TLE3: variants seen among roughly 807,000 people sequenced by gnomAD.
TLE3 encodes TLE family member 3, transcriptional corepressor.
In TLE3, 14 loss-of-function variants were observed where a neutral mutation model predicts 93.0. That is an observed-to-expected ratio of 0.15 (90% confidence interval 0.10 to 0.24). TLE3 has a LOEUF of 0.24. Ranked by LOEUF, TLE3 falls within the 10% of genes least tolerant of loss-of-function variation. The pLI, the probability that TLE3 is intolerant of heterozygous loss-of-function variation, is 1.00. For missense variants in TLE3, 693 were observed against 1,046.6 expected (o/e 0.66, Z 4.66); for synonymous variants, 451 against 425.0 (o/e 1.06, Z -0.75).
rs1238983862 is a variant in TLE3 at position 70,049,444 on chromosome 15, A to T, written c.*653T>A. The stretch of plus-strand genomic sequence containing the variant: ...CTGGTTGCCTTTTCCACACTCTAAG[A>T]CTTTTCTCCTCTTTCTTCAATTGGT... On this transcript the variant is annotated 3_prime_UTR_variant, in exon 20 of 20. Transcript: ENST00000451782. The T allele has an allele frequency of 6.7e-6, 1 of 148,448 alleles. No homozygotes were observed. The highest frequency in any genetic ancestry group is 2.5e-5 in the African/African-American group (1 of 39,716). 9.2% of individuals were successfully genotyped at this position (148,448 alleles called of 1,614,324 possible).
chr15:70,062,229 T>C (rs2056529507), intron 8 of TLE3, among the ~76,000 whole-genome samples: 1 of 152,208 alleles, frequency 6.6e-6, no homozygotes, highest in Admixed American at 6.5e-5. Context: ...GCGGTGGCGA[T>C]GCGCGCACAG....
At chr15:70,075,996 GAGGCTGGGGCTGGGGCTGGGGCTC>G (rs1403481876) in intron 5 of TLE3, 76 bp downstream of exon 5, 1 of 1,128,836 alleles carries the variant, frequency 8.9e-7, no homozygotes, top group Non-Finnish European at 1.3e-6. Flanking sequence ...GACAGGGGCT[GAGGCTGGGGCTGGGGCTGGGGCTC>G]AGGCTCCAGT....
chr15:70,094,683 C>T (rs2058465252), intron 3 of TLE3, 107 bp from the exon 4 acceptor site: 1 of 829,712 alleles, frequency 1.2e-6, no homozygotes, highest in Non-Finnish European at 1.9e-6. Context: ...TTTTACGATA[C>T]ATTTGCTAAA....
At chr15:70,072,736 G>A (rs895722457) in intron 6 of TLE3, among the ~76,000 whole-genome samples, 3 of 152,242 alleles carry the variant, frequency 2.0e-5, no homozygotes, top group Non-Finnish European at 4.4e-5. Flanking sequence ...ATGAATATCA[G>A]GGTGTCAGGG....
Position 70,059,406 on chromosome 15 carries a change from A to T in TLE3, c.765+4T>A. The T allele has an allele frequency of 1.2e-6, 2 of 1,609,840 alleles. No individual in the cohort carries two copies. Among genetic ancestry groups the T allele is most frequent in the Non-Finnish European group, 1.7e-6 (2 of 1,178,044 alleles). On this transcript the variant is annotated splice_donor_region_variant and intron_variant, in intron 10 of 19. Transcript: ENST00000451782. Reference sequence around the variant, plus strand: ...AGCCCCCTTGCGACCGGGCCTGCCCATACCTCATTGGAAACATCCACCACC... The same window carrying T: ...AGCCCCCTTGCGACCGGGCCTGCCCTTACCTCATTGGAAACATCCACCACC...
intron 1 of TLE3, 40 bp from the exon 2 acceptor site, chr15:70,096,301 C>T: frequency 6.5e-7 from 1 of 1,548,644 alleles, no homozygotes; most frequent in South Asian, 1.2e-5. Context: ...GGGGCGGGGG[C>T]ATGAGACCGC....
intron 18 of TLE3, 71 bp from the exon 19 acceptor site, chr15:70,051,538 A>G: frequency 7.3e-7 from 1 of 1,360,594 alleles, no homozygotes; most frequent in Non-Finnish European, 1.0e-6. Context: ...TGCCCTAGAC[A>G]TGGCCAGCTG....
chr15:70,070,767 G>T (rs922090151), intron 6 of TLE3, among the ~76,000 whole-genome samples: 1 of 152,128 alleles, frequency 6.6e-6, no homozygotes, highest in Non-Finnish European at 1.5e-5. Flanking sequence ...GCTGAAAGAC[G>T]GATCCTAAGG....
At position 70,049,514 on chromosome 15, in the gene TLE3, TAAAAAAAAA is replaced by T. The variant is rs11324999; in HGVS notation, c.*574_*582del. ...TCCCAGGTGAGAGCATCTGTTTATTTAAAAAAAAAAAAAAAAAAAAGCCACCACCACGAG... is the reference window on the plus strand; with the variant it reads ...TCCCAGGTGAGAGCATCTGTTTATTTAAAAAAAAAAAGCCACCACCACGAG... On this transcript the variant is annotated 3_prime_UTR_variant, in exon 20 of 20. Coordinates refer to ENST00000451782, the MANE Select transcript of TLE3 (RefSeq NM_001105192.3). 8.2e-6 allele frequency: 1 copy of T among 122,200 alleles called. No homozygotes were observed. The highest frequency in any genetic ancestry group is 3.3e-5 in the African/African-American group (1 of 30,440). The allele number at this position is 122,200 out of a possible 1,614,324, so 7.6% of individuals were successfully genotyped here.
chr15:70,060,663 G>C lies in TLE3; in HGVS notation c.595-14C>G. ...CACAGAGTTATTCTGGAAGGAAAAA[G>C]AGGGTTCGGGGTTAAAACTTTCTGC... On this transcript the variant is annotated splice_polypyrimidine_tract_variant and intron_variant, in intron 8 of 19. Coordinates refer to ENST00000451782, the MANE Select transcript of TLE3 (RefSeq NM_001105192.3). 1.2e-6 allele frequency: 2 copies of C among 1,613,264 alleles called. No homozygotes were observed. Among genetic ancestry groups the C allele is most frequent in the Non-Finnish European group, 1.7e-6 (2 of 1,179,580 alleles).
In TLE3 at chr15:70,094,553, C is replaced by G; in HGVS notation, c.213G>C (p.Leu71Phe). 1 of 1,557,112 alleles carries G rather than the reference C, an allele frequency of 6.4e-7. No homozygotes were observed. Among genetic ancestry groups the G allele is most frequent in the Non-Finnish European group, 8.7e-7 (1 of 1,151,502 alleles). Reference protein sequence around the residue: ...YVMYYEMSYGLNIEMHKQTEI... With the variant: ...YVMYYEMSYGFNIEMHKQTEI... Reference sequence around the variant, plus strand: ...TTACCTGCTTGTGCATTTCAATGTTCAAGCCATAGGACATCTCATAGTACT... The same window carrying G: ...TTACCTGCTTGTGCATTTCAATGTTGAAGCCATAGGACATCTCATAGTACT... The change falls in exon 4 of 20, where the codon TTG becomes TTC. Residue 71 changes from leucine (L) to phenylalanine (F), a missense_variant. Leu to Phe is a conservative substitution (Grantham distance 22). Around this residue, in one of 4 missense-constraint regions of TLE3, gnomAD observed 104 missense variants for 173.8 expected, o/e 0.60. Coordinates refer to ENST00000451782, the MANE Select transcript of TLE3 (RefSeq NM_001105192.3).
intron 6 of TLE3, among the ~76,000 whole-genome samples, chr15:70,069,417 C>A (rs532307613): frequency 6.6e-6 from 1 of 152,326 alleles, no homozygotes; most frequent in East Asian, 1.9e-4. Flanking sequence ...GGCTGTTTGG[C>A]AGACAGTGGC....
intron 6 of TLE3, among the ~76,000 whole-genome samples, chr15:70,072,017 G>A (rs932180619): frequency 1.3e-5 from 2 of 152,226 alleles, no homozygotes; most frequent in African/African-American, 2.4e-5. Flanking sequence ...CGACTCGGCT[G>A]TCCGTAATTC....
rs1233547886 is a variant in TLE3, at chr15:70,058,872, C to T, written c.766-57G>A. The stretch of plus-strand genomic sequence containing the variant: ...AAAGCAACAGCCAGCCTCGAGGCTT[C>T]CCTGCTCTGGGAGTGGGAAGAGAGA... On this transcript the variant is annotated intron_variant, in intron 10 of 19. Transcript: ENST00000451782. This position sits in a 1 kb window ranked among gnomAD's most constrained non-coding sequence, Gnocchi z 4.1. 1.3e-6 allele frequency: 2 copies of T among 1,485,454 alleles called. No homozygotes were observed. Among genetic ancestry groups the T allele is most frequent in the Admixed American group, 4.8e-5 (2 of 41,494 alleles). 92.0% of individuals were successfully genotyped at this position (1,485,454 alleles called of 1,614,324 possible). A position where few individuals can be genotyped will look rare whatever the true frequency, so the allele number is the denominator to read the frequency against.
chr15:70,052,240 C>T (rs1379305172), intron 18 of TLE3, 134 bp downstream of exon 18: 22 of 1,131,684 alleles, frequency 1.9e-5, no homozygotes, highest in Non-Finnish European at 2.6e-5. Flanking sequence ...GGGGCACCAG[C>T]TCAGGGGTCA....
In TLE3 at chr15:70,049,878, G is replaced by C. The variant is rs950564529; in HGVS notation, c.*219C>G. On this transcript the variant is annotated 3_prime_UTR_variant, in exon 20 of 20. Coordinates refer to ENST00000451782, the MANE Select transcript of TLE3 (RefSeq NM_001105192.3). ...CAGCATTGTTCAGGGGGAGGAGGAG[G>C]AGCAGAACCCTTCCGAGTCTGTGAG... 1 of 510,188 alleles carries C rather than the reference G, an allele frequency of 2.0e-6. No individual in the cohort carries two copies. Among genetic ancestry groups the C allele is most frequent in the African/African-American group, 1.9e-5 (1 of 52,350 alleles). The allele number at this position is 510,188 out of a possible 1,614,324, so 31.6% of individuals were successfully genotyped here.
chr15:70,054,665 G>A lies in TLE3; in HGVS notation c.1599C>T (p.Arg533=). The change falls in exon 16 of 20, where the codon CGC becomes CGT. Residue 533 remains arginine, a synonymous_variant. Coordinates refer to ENST00000451782, the MANE Select transcript of TLE3 (RefSeq NM_001105192.3). The part of the protein sequence containing the change: ...LDCLNRDNYI[R]SCKLLPDGRT... ...GCCCATCAGGGAGCAGCTTGCAGGAGCGGATGTAATTGTCCCTGTTCTGGA... is the reference window on the plus strand; with the variant it reads ...GCCCATCAGGGAGCAGCTTGCAGGAACGGATGTAATTGTCCCTGTTCTGGA... 6.2e-7 allele frequency: 1 copy of A among 1,601,772 alleles called. No homozygotes were observed. The highest frequency in any genetic ancestry group is 1.1e-5 in the South Asian group (1 of 90,056).
intron 4 of TLE3, among the ~76,000 whole-genome samples, chr15:70,077,397 A>C (rs562725879): frequency 9.8e-5 from 15 of 152,294 alleles, no homozygotes; most frequent in African/African-American, 3.6e-4. Context: ...CAGAGACAAA[A>C]CCATGACAAC....
intron 4 of TLE3, among the ~76,000 whole-genome samples, chr15:70,079,971 G>A (rs1195172735): frequency 6.6e-6 from 1 of 151,540 alleles, no homozygotes; most frequent in East Asian, 1.9e-4. Flanking sequence ...CCACCATTAA[G>A]GTTAATAATT....
Sources: gnomAD v4.1 joint callset for allele counts (sites outside exome capture counted in the v4.1 genomes callset) on GRCh38, gnomAD v4.1.1 for gene constraint, gnomAD v4.1.1 regional missense constraint, Gnocchi (gnomAD v3.1) non-coding constraint, MANE v1.5 for transcripts, NCBI Gene and HGNC (gene_info 2026-07-23, HGNC 2026-07-21) for gene names.